The following AUTS2 variants were observed in gnomAD, a reference collection of about 807,000 sequenced individuals.
AUTS2 encodes activator of transcription and developmental regulator AUTS2, also known as autism susceptibility gene 2 protein.
A neutral mutation model predicts 112.4 loss-of-function variants in AUTS2; 17 were observed. The ratio of observed to expected loss-of-function variants is 0.15; its 90% CI spans 0.10 to 0.23. The LOEUF (loss-of-function observed/expected upper bound fraction) is 0.23. AUTS2 is among the 10% of genes least tolerant of loss of function. AUTS2 has a pLI of 1.00. For missense variants in AUTS2, 1,510 were observed against 1,701.6 expected (o/e 0.89, Z 1.98); for synonymous variants, 751 against 702.7 (o/e 1.07, Z -1.09).
At chr7:69,614,725 TCTC>T (rs1288415476) in intron 1 of AUTS2, among the ~76,000 whole-genome samples, 1 of 151,942 alleles carries the variant, frequency 6.6e-6, no homozygotes, top group Non-Finnish European at 1.5e-5. Flanking sequence ...CTCAAGTGCT[TCTC>T]CTGCCTTCAC....
chr7:69,751,767 A>C (rs767216986), intron 1 of AUTS2, among the ~76,000 whole-genome samples: 2 of 152,146 alleles, frequency 1.3e-5, no homozygotes, highest in Non-Finnish European at 2.9e-5. Context: ...AGATTCTGAA[A>C]CCTAGACTTC....
chr7:70,633,774 G>C (rs1379094642), intron 5 of AUTS2, among the ~76,000 whole-genome samples: 2 of 152,042 alleles, frequency 1.3e-5, no homozygotes, highest in Non-Finnish European at 1.5e-5. Flanking sequence ...GAAATTTCTG[G>C]GTGTGGTAAT....
intron 4 of AUTS2, among the ~76,000 whole-genome samples, chr7:70,141,548 A>G (rs1274062971): frequency 6.6e-6 from 1 of 152,202 alleles, no homozygotes; most frequent in Non-Finnish European, 1.5e-5. Context: ...GCTCTCCCTT[A>G]TGGTGAAACA....
chr7:70,103,382 G>T (rs1562695791), intron 2 of AUTS2, among the ~76,000 whole-genome samples: 1 of 152,048 alleles, frequency 6.6e-6, no homozygotes, highest in African/African-American at 2.4e-5. Context: ...AGAGGAACCT[G>T]TAGCTCAGTA....
At chr7:69,620,091 T>G (rs1793587466) in intron 1 of AUTS2, among the ~76,000 whole-genome samples, 1 of 152,212 alleles carries the variant, frequency 6.6e-6, no homozygotes, top group Non-Finnish European at 1.5e-5. Context: ...TTGGTTGGAT[T>G]TTATTAGCAG....
intron 5 of AUTS2, among the ~76,000 whole-genome samples, chr7:70,634,649 A>C (rs2129539025): frequency 6.6e-6 from 1 of 152,292 alleles, no homozygotes; most frequent in South Asian, 2.1e-4. Flanking sequence ...GATGAGGAGA[A>C]AGCACGAGGC....
At chr7:70,166,796 G>T (rs1179857227) in intron 4 of AUTS2, among the ~76,000 whole-genome samples, 1 of 152,020 alleles carries the variant, frequency 6.6e-6, no homozygotes, top group Non-Finnish European at 1.5e-5. Context: ...AATATAATTG[G>T]TCAGTTAAAA....
In AUTS2 at chr7:69,880,628, A is replaced by G. The variant is rs149928339; in HGVS notation, c.310-18658A>G. Among the ~76,000 whole-genome samples, 967 of 152,276 alleles carry G rather than the reference A, an allele frequency of 6.4e-3. 10 individuals are homozygous for G. Among genetic ancestry groups the G allele is most frequent in the African/African-American group, 0.022 (922 of 41,542 alleles). ...GCAAATATAATGGCAGAAAAAGAGGAAAATTTAGACATTTTGAGCCTTTTC... is the reference window on the plus strand; with the variant it reads ...GCAAATATAATGGCAGAAAAAGAGGGAAATTTAGACATTTTGAGCCTTTTC... On this transcript the variant is annotated intron_variant, in intron 1 of 18. Coordinates refer to ENST00000342771, the MANE Select transcript of AUTS2 (RefSeq NM_015570.4).
chr7:70,264,484 G>A (rs1787325059), intron 4 of AUTS2, among the ~76,000 whole-genome samples: 1 of 152,176 alleles, frequency 6.6e-6, no homozygotes, highest in Non-Finnish European at 1.5e-5. Context: ...GGGATTACAG[G>A]CATGAGCCAC....
At chr7:70,774,669 A>G (rs2042879715) in intron 12 of AUTS2, 1 of 152,574 alleles carries the variant, frequency 6.6e-6, no homozygotes, top group African/African-American at 2.4e-5. Flanking sequence ...CTGCTTCCAA[A>G]AAAGGAATCT....
At chr7:70,180,146 A>C (rs1809219234) in intron 4 of AUTS2, among the ~76,000 whole-genome samples, 1 of 152,246 alleles carries the variant, frequency 6.6e-6, no homozygotes, top group African/African-American at 2.4e-5. Flanking sequence ...AAACTAAAAT[A>C]AATACCAGCC....
chr7:70,629,150 G>A (rs1172227948), intron 5 of AUTS2, among the ~76,000 whole-genome samples: 1 of 152,182 alleles, frequency 6.6e-6, no homozygotes, highest in African/African-American at 2.4e-5. Flanking sequence ...AGCATGGATG[G>A]CTCAGTGCAA....
At chr7:70,164,854 T>TAA (rs59658520) in intron 4 of AUTS2, among the ~76,000 whole-genome samples, 4 of 144,374 alleles carry the variant, frequency 2.8e-5, no homozygotes, top group Non-Finnish European at 6.1e-5. Context: ...TCACGTAAGA[T>TAA]AAAAAAAAAA....
chr7:70,424,820 C>T (rs995217522), intron 4 of AUTS2, among the ~76,000 whole-genome samples: 4 of 152,068 alleles, frequency 2.6e-5, no homozygotes, highest in South Asian at 2.1e-4. Context: ...CTTCTGGGCT[C>T]AAGAGATCAT....
intron 5 of AUTS2, chr7:70,436,510 T>C (rs1344978007): frequency 1.3e-5 from 2 of 152,264 alleles, no homozygotes; most frequent in African/African-American, 2.4e-5. Context: ...TCTTTCTTTC[T>C]AGCCGTTCCA....
intron 1 of AUTS2, among the ~76,000 whole-genome samples, chr7:69,722,461 C>T (rs1339927569): frequency 6.6e-6 from 1 of 151,624 alleles, no homozygotes; most frequent in African/African-American, 2.4e-5. Context: ...ACTGCAACCT[C>T]CGCCTTCTGG....
At chr7:70,025,414 TGGATGAAAAACATATCTACATAC>T in intron 2 of AUTS2, among the ~76,000 whole-genome samples, 1 of 151,942 alleles carries the variant, frequency 6.6e-6, no homozygotes, top group Admixed American at 6.6e-5. Flanking sequence ...GTGTTTCACT[TGGATGAAAAACATATCTACATAC>T]TTTTTTTGTT....
intron 5 of AUTS2, among the ~76,000 whole-genome samples, chr7:70,618,187 C>T (rs1202530071): frequency 1.3e-5 from 2 of 152,230 alleles, no homozygotes; most frequent in Non-Finnish European, 2.9e-5. Flanking sequence ...GGCATTAACA[C>T]GTCTGGTGAC....
chr7:70,650,775 C>A (rs1298794863), intron 5 of AUTS2, among the ~76,000 whole-genome samples: 1 of 151,746 alleles, frequency 6.6e-6, no homozygotes, highest in African/African-American at 2.4e-5. Context: ...ATTCATTTTA[C>A]ACGCAAAGCA....
Sources: gnomAD v4.1 joint callset for allele counts (sites outside exome capture counted in the v4.1 genomes callset) on GRCh38, gnomAD v4.1.1 for gene constraint, MANE v1.5 for transcripts, NCBI Gene and HGNC (gene_info 2026-07-23, HGNC 2026-07-21) for gene names.